The following RNF144A variants were observed in gnomAD, a reference collection of about 807,000 sequenced individuals.
The protein encoded by RNF144A is ring finger protein 144A, also known as E3 ubiquitin-protein ligase RNF144A.
In RNF144A, 11 loss-of-function variants were observed where a neutral mutation model predicts 38.7. The ratio of observed to expected loss-of-function variants is 0.28; its 90% CI spans 0.18 to 0.47. The LOEUF (loss-of-function observed/expected upper bound fraction) is 0.47, where lower values mean the gene tolerates loss of function less well. Among genes scored for constraint, RNF144A ranks in the 20% least tolerant of loss-of-function variants. RNF144A has a pLI of 0.99. For synonymous variants in RNF144A, 149 were observed against 143.9 expected (o/e 1.04, Z -0.25); for missense variants, 316 against 377.2 (o/e 0.84, Z 1.34).
At chr2:6,929,660 T>C (rs1422798195) in intron 1 of RNF144A, among the ~76,000 whole-genome samples, 1 of 152,290 alleles carries the variant, frequency 6.6e-6, no homozygotes, top group East Asian at 1.9e-4. Context: ...AAAATAATTA[T>C]TGTGAAGCTT....
chr2:6,986,728 T>A (rs998622688), intron 2 of RNF144A, among the ~76,000 whole-genome samples: 4 of 152,136 alleles, frequency 2.6e-5, no homozygotes, highest in East Asian at 1.9e-4. Flanking sequence ...AATGACTATG[T>A]CCCTAGCAAA....
At chr2:7,053,103 A>G (rs1673592220) in intron 6 of RNF144A, among the ~76,000 whole-genome samples, 1 of 152,180 alleles carries the variant, frequency 6.6e-6, no homozygotes, top group African/African-American at 2.4e-5. Flanking sequence ...TTTGATTCCC[A>G]TGTTATTTTC....
At chr2:6,973,175 G>C (rs1349623132) in intron 2 of RNF144A, among the ~76,000 whole-genome samples, 3 of 152,212 alleles carry the variant, frequency 2.0e-5, no homozygotes, top group African/African-American at 4.8e-5. Context: ...TTAAGTGTTG[G>C]CGATTTGCCT....
chr2:6,941,232 A>T lies in RNF144A; in HGVS notation c.-12+85A>T, dbSNP rs370986862. 6.6e-6 allele frequency: 1 copy of T among 152,264 alleles called. No homozygotes were observed. The highest frequency in any genetic ancestry group is 2.4e-5 in the African/African-American group (1 of 41,470). 9.4% of individuals were successfully genotyped at this position (152,264 alleles called of 1,614,324 possible). A position where few individuals can be genotyped will look rare whatever the true frequency, so the allele number is the denominator to read the frequency against. On this transcript the variant is annotated intron_variant, in intron 2 of 8. Coordinates refer to ENST00000320892, the MANE Select transcript of RNF144A (RefSeq NM_014746.6). This position sits in a 1 kb window ranked among gnomAD's most constrained non-coding sequence, Gnocchi z 6.5. ...ATCTCAGGCCATTGTTGGAAAAGAT[A>T]GTAGGCCTGCCTGGGTGGATTTTTC...
chr2:7,010,218 C>G (rs985222932), intron 3 of RNF144A, among the ~76,000 whole-genome samples: 1 of 152,114 alleles, frequency 6.6e-6, no homozygotes, highest in African/African-American at 2.4e-5. Flanking sequence ...CCAAGCTTAT[C>G]CCACAGTATT....
downstream of RNF144A, among the ~76,000 whole-genome samples, chr2:7,073,166 C>G (rs1208019954): frequency 6.6e-6 from 1 of 152,180 alleles, no homozygotes; most frequent in African/African-American, 2.4e-5. Context: ...TCCTAGGGAT[C>G]CACCCTGTCT....
chr2:6,998,951 C>T (rs1304183747), intron 3 of RNF144A, among the ~76,000 whole-genome samples: 5 of 152,214 alleles, frequency 3.3e-5, no homozygotes, highest in African/African-American at 1.2e-4. Context: ...CTGTCAGAGG[C>T]CATAGCTTGT....
intron 1 of RNF144A, among the ~76,000 whole-genome samples, chr2:6,935,266 C>G (rs868096439): frequency 6.6e-6 from 1 of 152,242 alleles, no homozygotes; most frequent in African/African-American, 2.4e-5. Flanking sequence ...CCCTGACTTT[C>G]TTCTTTGGCC....
intron 3 of RNF144A, among the ~76,000 whole-genome samples, chr2:7,013,551 C>CAAATCCCCAA (rs1670948748): frequency 6.6e-6 from 1 of 151,930 alleles, no homozygotes; most frequent in Non-Finnish European, 1.5e-5. Flanking sequence ...TTGGGGATGC[C>CAAATCCCCAA]GTTGTAGGAT....
intron 2 of RNF144A, among the ~76,000 whole-genome samples, chr2:6,987,161 T>C (rs1165661801): frequency 6.6e-6 from 1 of 152,056 alleles, no homozygotes; most frequent in East Asian, 1.9e-4. Flanking sequence ...GGGGAATGGC[T>C]GCATCAACTG....
At chr2:6,969,112 C>T (rs1273387589) in intron 2 of RNF144A, among the ~76,000 whole-genome samples, 3 of 152,114 alleles carry the variant, frequency 2.0e-5, no homozygotes, top group Non-Finnish European at 1.5e-5. Flanking sequence ...TGCATCAATG[C>T]CATTACAGGC....
At chr2:7,001,333 C>G (rs1670085926) in intron 3 of RNF144A, among the ~76,000 whole-genome samples, 4 of 150,288 alleles carry the variant, frequency 2.7e-5, no homozygotes, top group Admixed American at 2.7e-4. Flanking sequence ...AGTGAAACTC[C>G]ATCTCAATAA....
chr2:7,050,771 C>T (rs534055332), intron 6 of RNF144A, among the ~76,000 whole-genome samples: 10 of 152,348 alleles, frequency 6.6e-5, no homozygotes, highest in Admixed American at 3.9e-4. Context: ...CCTCACTGGC[C>T]TCCATGGGGA....
downstream of RNF144A, among the ~76,000 whole-genome samples, chr2:7,048,756 T>A (rs1673406040): frequency 6.6e-6 from 1 of 152,212 alleles, no homozygotes; most frequent in African/African-American, 2.4e-5. Flanking sequence ...GCAGAATTAA[T>A]CCAAGAGCCA....
downstream of RNF144A, among the ~76,000 whole-genome samples, chr2:7,048,647 T>C (rs1673403114): frequency 6.6e-6 from 1 of 152,098 alleles, no homozygotes. Flanking sequence ...AATTAGGGGG[T>C]GGCCACAGCA....
In RNF144A at chr2:6,917,433, G is replaced by T. The variant is rs1664184158; in HGVS notation, c.-401G>T. On this transcript the variant is annotated 5_prime_UTR_variant, in exon 1 of 9. Coordinates refer to ENST00000320892, the MANE Select transcript of RNF144A (RefSeq NM_014746.6). The surrounding 1 kb of genome is among the most constrained non-coding windows in gnomAD (Gnocchi z 4.8). ...CGGCCTCTGTGCGCGCTCGCGCCCC[G>T]CCCGCGCAGCCGCTTCTCCCCGCGC... The T allele has an allele frequency of 6.8e-6, 1 of 146,560 alleles. No homozygotes were observed. Among genetic ancestry groups the T allele is most frequent in the South Asian group, 2.1e-4 (1 of 4,798 alleles). 9.1% of individuals were successfully genotyped at this position (146,560 alleles called of 1,614,324 possible).
chr2:6,951,338 T>A (rs1203831109), intron 2 of RNF144A, among the ~76,000 whole-genome samples: 2 of 152,056 alleles, frequency 1.3e-5, no homozygotes, highest in African/African-American at 4.8e-5. Flanking sequence ...TCTGTGTCAA[T>A]GCAGCCTGCT....
intron 6 of RNF144A, among the ~76,000 whole-genome samples, chr2:7,053,054 G>A (rs1326671619): frequency 6.6e-6 from 1 of 152,186 alleles, no homozygotes; most frequent in African/African-American, 2.4e-5. Flanking sequence ...AATTGTGAAA[G>A]TCAGTTTAGA....
intron 2 of RNF144A, among the ~76,000 whole-genome samples, chr2:6,948,165 G>C (rs1666459398): frequency 6.6e-6 from 1 of 152,152 alleles, no homozygotes; most frequent in South Asian, 2.1e-4. Flanking sequence ...GTGTGGAGAT[G>C]GTCTACATGT....
Sources: gnomAD v4.1 joint callset for allele counts (sites outside exome capture counted in the v4.1 genomes callset) on GRCh38, gnomAD v4.1.1 for gene constraint, Gnocchi (gnomAD v3.1) non-coding constraint, MANE v1.5 for transcripts, NCBI Gene and HGNC (gene_info 2026-07-23, HGNC 2026-07-21) for gene names.